Variants in LARGE1 observed in about 807,000 individuals in gnomAD.
The protein encoded by LARGE1 is xylosyl- and glucuronyltransferase LARGE1.
Under a neutral mutation model 87.6 loss-of-function variants are expected in LARGE1, and 43 were observed. That is an observed-to-expected ratio of 0.49 (90% CI 0.38 to 0.63). The LOEUF is 0.63. Among genes scored for constraint, LARGE1 ranks in the 30% least tolerant of loss-of-function variants. The probability of loss-of-function intolerance (pLI) is 0.00; values close to 1 mark genes in which losing one functional copy is unlikely to be tolerated. For synonymous variants in LARGE1, 434 were observed against 394.6 expected (o/e 1.10, Z -1.18); for missense variants, 802 against 1,000.2 (o/e 0.80, Z 2.67).
chr22:33,587,111 T>A (rs559201830), intron 5 of LARGE1, among the ~76,000 whole-genome samples: 1 of 152,212 alleles, frequency 6.6e-6, no homozygotes, highest in Non-Finnish European at 1.5e-5. Flanking sequence ...ATTAAATCAA[T>A]AAAATGTTAT....
At chr22:33,209,097 T>C (rs553886381) in intron 11 of LARGE1, among the ~76,000 whole-genome samples, 291 of 152,328 alleles carry the variant, frequency 1.9e-3, no homozygotes, top group African/African-American at 6.2e-3. Context: ...AGTAATGGGA[T>C]TGCTGGGTCA....
At chr22:33,483,040 G>A (rs1037677085) in intron 6 of LARGE1, among the ~76,000 whole-genome samples, 6 of 152,192 alleles carry the variant, frequency 3.9e-5, no homozygotes, top group African/African-American at 1.4e-4. Context: ...CCTCTGCCGT[G>A]TATCTTCATT....
At chr22:33,415,508 C>T (rs16992290) in intron 7 of LARGE1, among the ~76,000 whole-genome samples, 6,200 of 152,234 alleles carry the variant, frequency 0.041, 142 homozygotes, top group South Asian at 0.069. Context: ...TCTTCTAGAA[C>T]AGTGGCTTTT....
intron 6 of LARGE1, among the ~76,000 whole-genome samples, chr22:33,487,837 T>G (rs1418290273): frequency 6.6e-6 from 1 of 152,134 alleles, no homozygotes; most frequent in Non-Finnish European, 1.5e-5. Flanking sequence ...AGCTTCTGTT[T>G]CCCTATCTGC....
chr22:33,283,112 A>G (rs1411298513), intron 13 of LARGE1, 90 bp downstream of exon 13: 5 of 1,547,010 alleles, frequency 3.2e-6, no homozygotes, highest in Non-Finnish European at 3.6e-6. Context: ...CGAGCGACAA[A>G]CTTCCAGATC....
At chr22:33,201,680 TAAAG>T (rs1376001895) in intron 11 of LARGE1, among the ~76,000 whole-genome samples, 1 of 151,710 alleles carries the variant, frequency 6.6e-6, no homozygotes, top group African/African-American at 2.4e-5. Flanking sequence ...GTGGCCTGAG[TAAAG>T]AAAGAGAGTG....
chr22:33,775,283 G>A (rs1443315106), intron 1 of LARGE1, among the ~76,000 whole-genome samples: 1 of 152,148 alleles, frequency 6.6e-6, no homozygotes, highest in African/African-American at 2.4e-5. Flanking sequence ...GGTAGCAAAG[G>A]CCTCCAAAAT....
At chr22:33,661,012 A>G (rs1275814295) in intron 2 of LARGE1, among the ~76,000 whole-genome samples, 1 of 147,650 alleles carries the variant, frequency 6.8e-6, no homozygotes, top group Non-Finnish European at 1.5e-5. Context: ...ATGAGGTTTG[A>G]TTTTTTTTTT....
intron 11 of LARGE1, among the ~76,000 whole-genome samples, chr22:33,309,850 G>A (rs1447914871): frequency 6.6e-6 from 1 of 152,090 alleles, no homozygotes; most frequent in East Asian, 1.9e-4. Context: ...GGTGTCAGGG[G>A]TTGCACAGAT....
intron 1 of LARGE1, among the ~76,000 whole-genome samples, chr22:33,848,369 T>C (rs1206723959): frequency 1.3e-5 from 2 of 151,940 alleles, no homozygotes; most frequent in South Asian, 2.1e-4. Flanking sequence ...ACCAGGCTCA[T>C]GGGCCCTAGG....
At position 33,497,806 on chromosome 22, in the gene LARGE1, C is replaced by G. The variant is rs116308661; in HGVS notation, c.788-65541G>C. On this transcript the variant is annotated intron_variant, in intron 6 of 14. Transcript: ENST00000397394. ...CTGGCATCTTAGTGGTTTAGAAGAG[C>G]CTTTGCGTACTTCATCTCAGTTCAT... Among the ~76,000 whole-genome samples, 1,265 of 151,878 alleles carry G rather than the reference C, an allele frequency of 8.3e-3. 19 individuals carry two copies. The highest frequency in any genetic ancestry group is 0.029 in the African/African-American group (1,184 of 41,388).
At chr22:33,700,098 C>T (rs1179815358) in intron 2 of LARGE1, among the ~76,000 whole-genome samples, 1 of 152,060 alleles carries the variant, frequency 6.6e-6, no homozygotes, top group Non-Finnish European at 1.5e-5. Flanking sequence ...TTGTTGCCTC[C>T]AGGAAAGGCA....
intron 9 of LARGE1, among the ~76,000 whole-genome samples, chr22:33,371,201 G>T (rs944481334): frequency 6.6e-6 from 1 of 151,312 alleles, no homozygotes; most frequent in African/African-American, 2.4e-5. Flanking sequence ...ATTTTGATTG[G>T]CTTAGATGAA....
At chr22:33,396,877 T>C (rs531666472) in intron 7 of LARGE1, among the ~76,000 whole-genome samples, 11 of 152,330 alleles carry the variant, frequency 7.2e-5, no homozygotes, top group Middle Eastern at 3.4e-3. Flanking sequence ...AACGGTTTGG[T>C]GGCTGGCAAA....
intron 11 of LARGE1, among the ~76,000 whole-genome samples, chr22:33,210,400 G>A (rs1055049528): frequency 5.9e-5 from 9 of 152,208 alleles, no homozygotes; most frequent in Admixed American, 2.0e-4. Context: ...CGACACCGGC[G>A]GAACCTGGTC....
At chr22:33,509,140 A>G (rs1300885679) in intron 6 of LARGE1, among the ~76,000 whole-genome samples, 1 of 152,150 alleles carries the variant, frequency 6.6e-6, no homozygotes, top group Non-Finnish European at 1.5e-5. Flanking sequence ...TTTCCCACGC[A>G]TTATAATCAC....
intron 1 of LARGE1, among the ~76,000 whole-genome samples, chr22:33,826,028 A>G (rs1349731639): frequency 5.3e-5 from 8 of 152,152 alleles, no homozygotes; most frequent in African/African-American, 1.9e-4. Context: ...CGCTGTCCAG[A>G]TCACATTTCA....
intron 11 of LARGE1, among the ~76,000 whole-genome samples, chr22:33,254,991 G>A (rs976960763): frequency 3.4e-5 from 5 of 147,196 alleles, no homozygotes; most frequent in African/African-American, 1.3e-4. Context: ...AGGCTGGAGT[G>A]CAGCGGCGAG....
chr22:33,354,116 A>AAC (rs1003801852), intron 9 of LARGE1, among the ~76,000 whole-genome samples: 1 of 152,226 alleles, frequency 6.6e-6, no homozygotes, highest in Non-Finnish European at 1.5e-5. Flanking sequence ...CACTTTTGAA[A>AAC]ACACACACAC....
Sources: gnomAD v4.1 joint callset for allele counts (sites outside exome capture counted in the v4.1 genomes callset) on GRCh38, gnomAD v4.1.1 for gene constraint, MANE v1.5 for transcripts, NCBI Gene and HGNC (gene_info 2026-07-23, HGNC 2026-07-21) for gene names.